RSBN1L: variants seen among roughly 807,000 people sequenced by gnomAD.
RSBN1L encodes the protein lysine-specific demethylase RSBN1L.
A neutral mutation model predicts 67.7 loss-of-function variants in RSBN1L; 30 were observed. That is an observed-to-expected ratio of 0.44 (90% CI 0.33 to 0.60). The LOEUF (loss-of-function observed/expected upper bound fraction) is 0.60. Among genes scored for constraint, RSBN1L ranks in the 20% least tolerant of loss-of-function variants. The pLI is 0.02. For missense variants in RSBN1L, 992 were observed against 1,031.7 expected (o/e 0.96, Z 0.53); for synonymous variants, 433 against 387.0 (o/e 1.12, Z -1.39).
intron 1 of RSBN1L, among the ~76,000 whole-genome samples, chr7:77,715,101 A>G (rs1407716018): frequency 6.6e-6 from 1 of 151,678 alleles, no homozygotes; most frequent in Non-Finnish European, 1.5e-5. Flanking sequence ...GTGAAACCCT[A>G]TCTCTACTAA....
At chr7:77,699,370 C>T (rs1790783725) in intron 1 of RSBN1L, among the ~76,000 whole-genome samples, 2 of 152,136 alleles carry the variant, frequency 1.3e-5, no homozygotes, top group Admixed American at 1.3e-4. Context: ...AATTAAGCTC[C>T]TGTATTTATT....
chr7:77,713,309 C>T (rs1790999818), intron 1 of RSBN1L, among the ~76,000 whole-genome samples: 1 of 151,630 alleles, frequency 6.6e-6, no homozygotes, highest in African/African-American at 2.4e-5. Context: ...TTTTTATGTA[C>T]TCAAATTCAT....
chr7:77,731,669 CTG>C (rs1473279331), intron 1 of RSBN1L, among the ~76,000 whole-genome samples: 3 of 152,118 alleles, frequency 2.0e-5, no homozygotes, highest in African/African-American at 2.4e-5. Flanking sequence ...AGTCCCTTGA[CTG>C]TGTCTTCTGC....
chr7:77,742,143 A>T (rs1052599207), intron 2 of RSBN1L, among the ~76,000 whole-genome samples: 3 of 143,170 alleles, frequency 2.1e-5, no homozygotes, highest in African/African-American at 8.2e-5. Flanking sequence ...CAGCCTGGGC[A>T]ACGTGGCAAG....
At chr7:77,776,357 C>G (rs921984713) in intron 6 of RSBN1L, among the ~76,000 whole-genome samples, 6 of 152,176 alleles carry the variant, frequency 3.9e-5, no homozygotes, top group African/African-American at 1.4e-4. Flanking sequence ...GCAACCACCA[C>G]CAAAACGATA....
intron 4 of RSBN1L, chr7:77,768,409 G>A: frequency 2.9e-6 from 1 of 347,252 alleles, no homozygotes; most frequent in Non-Finnish European, 5.3e-6. Context: ...GATGAATATA[G>A]TGAATCATAC....
chr7:77,720,536 G>A (rs1321528756), intron 1 of RSBN1L, among the ~76,000 whole-genome samples: 3 of 152,044 alleles, frequency 2.0e-5, no homozygotes, highest in Admixed American at 6.6e-5. Flanking sequence ...TCCAGCCTGG[G>A]CAACAAGAGC....
chr7:77,718,710 GA>G (rs1791079032), intron 1 of RSBN1L, among the ~76,000 whole-genome samples: 1 of 152,164 alleles, frequency 6.6e-6, no homozygotes, highest in Non-Finnish European at 1.5e-5. Flanking sequence ...TGTGAAGGCT[GA>G]ATTATCTCTT....
At chr7:77,743,952 C>T (rs1791447479) in intron 2 of RSBN1L, among the ~76,000 whole-genome samples, 1 of 152,168 alleles carries the variant, frequency 6.6e-6, no homozygotes, top group Admixed American at 6.5e-5. Flanking sequence ...TCTCGAACTC[C>T]TGGCCTCAAG....
At chr7:77,725,244 C>CTTTTTTTTGTTTT (rs1791183186) in intron 1 of RSBN1L, among the ~76,000 whole-genome samples, 1 of 73,660 alleles carries the variant, frequency 1.4e-5, no homozygotes, top group African/African-American at 6.7e-5. Context: ...AAGCCCCCCA[C>CTTTTTTTTGTTTT]TTTTTTTTTT....
chr7:77,752,294 C>T (rs982566334), intron 3 of RSBN1L, among the ~76,000 whole-genome samples: 4 of 152,190 alleles, frequency 2.6e-5, no homozygotes, highest in African/African-American at 9.7e-5. Flanking sequence ...TGATCTGCTA[C>T]CCTGGTGACC....
At position 77,696,758 on chromosome 7, in the gene RSBN1L, C is replaced by G; in HGVS notation, c.289C>G (p.Pro97Ala). 1 of 1,613,856 alleles carries G rather than the reference C, an allele frequency of 6.2e-7. No individual in the cohort carries two copies. The highest frequency in any genetic ancestry group is 8.5e-7 in the Non-Finnish European group (1 of 1,180,024). ...SFAPLSAAPS[P>A]SSSRSSFSFS... ...TGCCCCTCTGTCTGCTGCTCCCTCC[C>G]CGTCCTCTTCTCGGAGCAGTTTCTC... is the stretch of plus-strand genomic sequence containing the variant. The change falls in exon 1 of 8, where the codon CCG becomes GCG. Residue 97 changes from proline (P) to alanine (A), a missense_variant. Physicochemically the swap from Pro to Ala is conservative, Grantham distance 27 (BLOSUM62 -1). Transcript: ENST00000334955.
At chr7:77,768,264 TATC>T (rs1320363447) in intron 4 of RSBN1L, 6 of 155,840 alleles carry the variant, frequency 3.9e-5, no homozygotes, top group Non-Finnish European at 8.5e-5. Flanking sequence ...TGTTTTTAAT[TATC>T]ATTAATCAAA....
At chr7:77,752,441 T>C (rs1217500075) in intron 3 of RSBN1L, among the ~76,000 whole-genome samples, 3 of 152,232 alleles carry the variant, frequency 2.0e-5, no homozygotes, top group African/African-American at 7.2e-5. Context: ...GAAGTTGTTG[T>C]GTGCAGATTG....
At chr7:77,742,180 A>C (rs35572845) in intron 2 of RSBN1L, among the ~76,000 whole-genome samples, 2 of 82,170 alleles carry the variant, frequency 2.4e-5, no homozygotes, top group African/African-American at 6.1e-5. Flanking sequence ...AAAAAAAAAA[A>C]ATACACACAC....
chr7:77,758,059 A>G (rs942847146), intron 3 of RSBN1L, among the ~76,000 whole-genome samples: 1 of 152,224 alleles, frequency 6.6e-6, no homozygotes, highest in Non-Finnish European at 1.5e-5. Context: ...AAAGAAATTC[A>G]TGATAATGCT....
chr7:77,769,904 C>T lies in RSBN1L; in HGVS notation c.1625+1101C>T, dbSNP rs1171191776. On this transcript the variant is annotated intron_variant, in intron 5 of 7. Transcript: ENST00000334955. Reference sequence around the variant, plus strand: ...CTGTAATTTTGTGAAAGTAATCTGGCAGTAGATCATAAAATTTAACATAAA... The same window carrying T: ...CTGTAATTTTGTGAAAGTAATCTGGTAGTAGATCATAAAATTTAACATAAA... 3.3e-5 allele frequency among the ~76,000 whole-genome samples: 5 copies of T among 152,108 alleles called. No individual in the cohort carries two copies. In the East Asian group the frequency reaches 9.6e-4, roughly 29 times the overall value.
intron 2 of RSBN1L, among the ~76,000 whole-genome samples, chr7:77,743,814 G>A (rs1461908958): frequency 2.6e-5 from 4 of 151,846 alleles, no homozygotes; most frequent in Non-Finnish European, 5.9e-5. Flanking sequence ...ATTTTTTATT[G>A]CATTACTGCC....
intron 6 of RSBN1L, among the ~76,000 whole-genome samples, chr7:77,773,642 A>G (rs997565568): frequency 3.3e-5 from 5 of 152,184 alleles, no homozygotes; most frequent in Non-Finnish European, 7.4e-5. Context: ...GCACGCCTGT[A>G]GTCCTAGCTA....
Sources: gnomAD v4.1 joint callset for allele counts (sites outside exome capture counted in the v4.1 genomes callset) on GRCh38, gnomAD v4.1.1 for gene constraint, MANE v1.5 for transcripts, NCBI Gene and HGNC (gene_info 2026-07-23, HGNC 2026-07-21) for gene names.